The following FGFR2 variants were observed in gnomAD, a reference collection of about 807,000 sequenced individuals.
FGFR2 encodes the protein BEK fibroblast growth factor receptor.
FGFR2 carries 19 observed loss-of-function variants against 95.9 expected under a neutral mutation model. That is an observed-to-expected ratio of 0.20 (90% CI 0.14 to 0.29). FGFR2 has a LOEUF of 0.29. Ranked by LOEUF, FGFR2 falls within the 10% of genes least tolerant of loss-of-function variation. The pLI is 1.00. For missense variants in FGFR2, 707 were observed against 1,056.9 expected, an observed-to-expected ratio of 0.67 and a Z score of 4.59; for synonymous variants, 392 against 393.3, an observed-to-expected ratio of 1.00 and a Z score of 0.04.
intron 13 of FGFR2, among the ~76,000 whole-genome samples, chr10:121,491,038 G>A (rs186198848): frequency 5.1e-4 from 77 of 152,316 alleles, no homozygotes; most frequent in African/African-American, 1.5e-3. Flanking sequence ...AAACTCTCCC[G>A]GTGGTGTGCT....
intron 2 of FGFR2, among the ~76,000 whole-genome samples, chr10:121,580,094 T>C (rs1237955545): frequency 1.3e-5 from 2 of 152,172 alleles, no homozygotes; most frequent in Non-Finnish European, 2.9e-5. Flanking sequence ...CCCAAGCCCA[T>C]AGAGCAGGCC....
At chr10:121,526,268 C>T (rs900711910) in intron 6 of FGFR2, 4 of 398,512 alleles carry the variant, frequency 1.0e-5, no homozygotes, top group Admixed American at 4.4e-5. Flanking sequence ...CTAAAGCCTG[C>T]CTAGCTTTTT....
chr10:121,487,457 T>A (rs369234924), intron 14 of FGFR2, 33 bp from the exon 15 acceptor site: 7 of 1,572,852 alleles, frequency 4.5e-6, no homozygotes, highest in Middle Eastern at 3.4e-4. Context: ...AAAAACTAAA[T>A]ATATTTAAAA....
At chr10:121,520,259 C>T (rs1850341904) in intron 6 of FGFR2, 90 bp from the exon 7 acceptor site, 4 of 1,355,304 alleles carry the variant, frequency 3.0e-6, no homozygotes, top group Admixed American at 2.4e-5. Flanking sequence ...TGTCAGTGAC[C>T]TCATGCCAGA....
intron 13 of FGFR2, among the ~76,000 whole-genome samples, chr10:121,490,139 T>G (rs922815583): frequency 6.6e-6 from 1 of 151,082 alleles, no homozygotes; most frequent in Non-Finnish European, 1.5e-5. Context: ...GATCTAGCTA[T>G]TACGACTTTT....
chr10:121,542,963 C>T (rs1482557085), intron 5 of FGFR2, among the ~76,000 whole-genome samples: 1 of 152,136 alleles, frequency 6.6e-6, no homozygotes, highest in East Asian at 1.9e-4. Context: ...GCAAAAAAAT[C>T]CAGACATTTC....
chr10:121,502,685 T>G (rs540047225), intron 10 of FGFR2, among the ~76,000 whole-genome samples: 16 of 152,214 alleles, frequency 1.1e-4, no homozygotes, highest in African/African-American at 3.9e-4. Context: ...CTACTGAAAA[T>G]GTCAAGGCAA....
At chr10:121,561,228 C>T (rs957860948) in intron 4 of FGFR2, among the ~76,000 whole-genome samples, 4 of 152,112 alleles carry the variant, frequency 2.6e-5, no homozygotes, top group African/African-American at 9.6e-5. Context: ...AGTTCCAGAC[C>T]AGCCTGACCA....
At chr10:121,579,032 G>T (rs571680325) in intron 2 of FGFR2, among the ~76,000 whole-genome samples, 1 of 152,324 alleles carries the variant, frequency 6.6e-6, no homozygotes. Flanking sequence ...AAGAAGTTCA[G>T]CTCCAGTGTC....
At chr10:121,501,510 G>A (rs1847599308) in intron 10 of FGFR2, among the ~76,000 whole-genome samples, 1 of 152,028 alleles carries the variant, frequency 6.6e-6, no homozygotes, top group South Asian at 2.1e-4. Flanking sequence ...AAGTCCTTAT[G>A]ACTACATAAA....
At chr10:121,555,716 T>C (rs1351769461) in intron 4 of FGFR2, among the ~76,000 whole-genome samples, 2 of 152,144 alleles carry the variant, frequency 1.3e-5, no homozygotes, top group African/African-American at 4.8e-5. Flanking sequence ...ATCAATCCCA[T>C]CCCATCAATT....
chr10:121,485,645 G>A lies in FGFR2; in HGVS notation c.2058-113C>T. On this transcript the variant is annotated intron_variant, in intron 15 of 17. Coordinates refer to ENST00000358487, the MANE Select transcript of FGFR2 (RefSeq NM_000141.5). This position sits in a 1 kb window ranked among gnomAD's most constrained non-coding sequence, Gnocchi z 4.2. ...CACTTCTGAAGTTCAAAGACAAATG[G>A]GCCCTCCTGCAGTTCCTCCTATGTG... 1 of 1,416,098 alleles carries A rather than the reference G, an allele frequency of 7.1e-7. No homozygotes were observed. Among genetic ancestry groups the A allele is most frequent in the South Asian group, 1.2e-5 (1 of 84,060 alleles). 87.7% of individuals were successfully genotyped at this position (1,416,098 alleles called of 1,614,324 possible). A position where few individuals can be genotyped will look rare whatever the true frequency, so the allele number is the denominator to read the frequency against.
intron 13 of FGFR2, among the ~76,000 whole-genome samples, chr10:121,492,792 T>C (rs749301858): frequency 6.6e-6 from 1 of 152,340 alleles, no homozygotes; most frequent in East Asian, 1.9e-4. Context: ...TTTGGAACCA[T>C]GCCATGTCTT....
In FGFR2 at chr10:121,485,556, G is replaced by A. The variant is rs1270814142; in HGVS notation, c.2058-24C>T. 1 of 1,613,920 alleles carries A rather than the reference G, an allele frequency of 6.2e-7. No homozygotes were observed. The highest frequency in any genetic ancestry group is 1.3e-5 in the African/African-American group (1 of 74,902). Reference sequence around the variant, plus strand: ...AGCTGCAACAAAAGGAGAAAGCACGGCATTACTAACCCATCCACGTTGCCA... The same window carrying A: ...AGCTGCAACAAAAGGAGAAAGCACGACATTACTAACCCATCCACGTTGCCA... On this transcript the variant is annotated intron_variant, in intron 15 of 17. Transcript: ENST00000358487. This position sits in a 1 kb window ranked among gnomAD's most constrained non-coding sequence, Gnocchi z 4.2.
chr10:121,484,768 T>C (rs1281697067), intron 16 of FGFR2, among the ~76,000 whole-genome samples: 2 of 152,156 alleles, frequency 1.3e-5, no homozygotes, highest in Non-Finnish European at 2.9e-5. Flanking sequence ...TCTGGTACAG[T>C]AAGGAGGGCG....
intron 6 of FGFR2, among the ~76,000 whole-genome samples, chr10:121,529,108 AT>A (rs201037062): frequency 0.015 from 2,277 of 151,314 alleles, 61 homozygotes; most frequent in African/African-American, 0.052. Flanking sequence ...TAATATTTTA[AT>A]TTTTTTTGTT....
chr10:121,551,979 G>A (rs183293867), intron 4 of FGFR2, among the ~76,000 whole-genome samples: 198 of 151,248 alleles, frequency 1.3e-3, no homozygotes, highest in African/African-American at 4.6e-3. Flanking sequence ...ATAACCCAGA[G>A]AGTCATTCGT....
intron 13 of FGFR2, among the ~76,000 whole-genome samples, chr10:121,489,941 T>C (rs542302345): frequency 6.6e-6 from 1 of 152,334 alleles, no homozygotes; most frequent in South Asian, 2.1e-4. Flanking sequence ...CTGAAATGAC[T>C]AGTCATGTCC....
At chr10:121,558,321 T>C (rs535064479) in intron 4 of FGFR2, among the ~76,000 whole-genome samples, 1 of 152,356 alleles carries the variant, frequency 6.6e-6, no homozygotes, top group East Asian at 1.9e-4. Flanking sequence ...AAAATTAGCA[T>C]ATGAAACTGC....
Sources: allele counts gnomAD v4.1 joint callset (sites outside exome capture counted in the v4.1 genomes callset), GRCh38; gene constraint gnomAD v4.1.1; non-coding constraint Gnocchi (gnomAD v3.1); transcripts MANE v1.5; gene names NCBI Gene and HGNC (gene_info 2026-07-23, HGNC 2026-07-21).